The following TNN variants were observed in gnomAD, a reference collection of about 807,000 sequenced individuals.
TNN encodes tenascin-N.
Under a neutral mutation model 134.4 loss-of-function variants are expected in TNN, and 122 were observed. That is an observed-to-expected ratio of 0.91 (90% CI 0.78 to 1.06). The LOEUF is 1.06. Ranked by LOEUF, TNN falls within the 50% of genes least tolerant of loss-of-function variation. TNN has a pLI of 0.00. For missense variants in TNN, 1,739 were observed against 1,699.4 expected, an observed-to-expected ratio of 1.02 and a Z score of -0.41; for synonymous variants, 710 against 670.3, an observed-to-expected ratio of 1.06 and a Z score of -0.91.
chr1:175,095,608 C>T (rs550859557), intron 7 of TNN, among the ~76,000 whole-genome samples: 1 of 152,330 alleles, frequency 6.6e-6, no homozygotes, highest in South Asian at 2.1e-4. Context: ...GAGTCTCGCT[C>T]TCTTGCCCAG....
chr1:175,099,456 G>C (rs1251546943), intron 9 of TNN, among the ~76,000 whole-genome samples: 2 of 150,054 alleles, frequency 1.3e-5, no homozygotes, highest in Admixed American at 1.3e-4. Context: ...GGTCAGTAAG[G>C]AGGAAAGGTG....
chr1:175,137,393 ATTAT>A (rs148236601), intron 17 of TNN, among the ~76,000 whole-genome samples: 523 of 12,416 alleles, frequency 0.042, 4 homozygotes, highest in South Asian at 0.13. Flanking sequence ...TGTGTGTGTG[ATTAT>A]TTGAGCTTTT....
chr1:175,095,630 A>G (rs533341112), intron 7 of TNN, among the ~76,000 whole-genome samples: 6 of 152,242 alleles, frequency 3.9e-5, no homozygotes, highest in African/African-American at 1.4e-4. Flanking sequence ...CTGGAGTGCA[A>G]TGGCGCAATC....
intron 1 of TNN, among the ~76,000 whole-genome samples, chr1:175,072,441 G>A (rs535712301): frequency 6.6e-6 from 1 of 152,306 alleles, no homozygotes; most frequent in Admixed American, 6.5e-5. Context: ...CCCCTCAGCA[G>A]AATAATCCTC....
At chr1:175,140,483 G>C (rs774417338) in intron 17 of TNN, among the ~76,000 whole-genome samples, 25 of 152,122 alleles carry the variant, frequency 1.6e-4, no homozygotes, top group Non-Finnish European at 2.9e-4. Flanking sequence ...CCTTTCCCTT[G>C]GCCATTACCA....
In TNN at chr1:175,117,113, C is replaced by T. The variant is rs201010782; in HGVS notation, c.2294C>T (p.Thr765Met). The change falls in exon 10 of 19, where the codon ACG becomes ATG. Residue 765 changes from threonine (T) to methionine (M), a missense_variant. Transcript: ENST00000239462. The stretch of plus-strand genomic sequence containing the variant: ...AAGGAGCAGAGTAGCACTGTCCTGA[C>T]GGGCCTGAGGCCGGGTGTGGAGTAC... ...VGKEQSSTVL[T>M]GLRPGVEYTV... 1.6e-4 allele frequency: 251 copies of T among 1,614,102 alleles called. No individual in the cohort carries two copies. Among genetic ancestry groups the T allele is most frequent in the Middle Eastern group, 6.6e-4 (4 of 6,084 alleles).
intron 12 of TNN, among the ~76,000 whole-genome samples, chr1:175,125,098 C>T (rs184264593): frequency 1.2e-4 from 19 of 152,184 alleles, no homozygotes; most frequent in Non-Finnish European, 2.1e-4. Context: ...TTCTGTGAGA[C>T]GAATAGAATA....
intron 9 of TNN, among the ~76,000 whole-genome samples, chr1:175,100,967 G>T (rs1313130011): frequency 2.0e-5 from 3 of 152,166 alleles, no homozygotes; most frequent in Non-Finnish European, 4.4e-5. Flanking sequence ...GGGTAATCAG[G>T]ATATCCATCA....
At chr1:175,122,190 A>C (rs1675394218) in intron 11 of TNN, among the ~76,000 whole-genome samples, 1 of 151,050 alleles carries the variant, frequency 6.6e-6, no homozygotes, top group Non-Finnish European at 1.5e-5. Flanking sequence ...CAGGAGTTCA[A>C]GACCAGCCTG....
chr1:175,079,430 G>C lies in TNN; in HGVS notation c.507G>C (p.Leu169=). Residue 169 remains leucine (L), a synonymous_variant, in exon 3 of 19, where the codon CTG becomes CTC. Transcript: ENST00000239462. The part of the protein sequence containing the change: ...EGREGPACER[L]ACPGACSGHG... ...GGGAGGGCCCCGCCTGCGAGCGGCT[G>C]GCCTGCCCCGGGGCGTGCAGCGGCC... is the stretch of plus-strand genomic sequence containing the variant. The C allele has an allele frequency of 1.3e-6, 2 of 1,584,418 alleles. No homozygotes were observed. The highest frequency in any genetic ancestry group is 2.3e-5 in the South Asian group (2 of 88,538).
At chr1:175,082,406 T>A (rs746718103) in intron 4 of TNN, among the ~76,000 whole-genome samples, 1 of 152,192 alleles carries the variant, frequency 6.6e-6, no homozygotes, top group Non-Finnish European at 1.5e-5. Flanking sequence ...GTGAACATTC[T>A]CATTAAGTCC....
At position 175,104,390 on chromosome 1, in the gene TNN, C is replaced by T. The variant is rs530023807; in HGVS notation, c.2119+5795C>T. Among the ~76,000 whole-genome samples, 6 of 146,008 alleles carry T rather than the reference C, an allele frequency of 4.1e-5. 1 individual carries two copies. In the South Asian group the frequency reaches 1.1e-3, roughly 28 times the overall value. On this transcript the variant is annotated intron_variant, in intron 9 of 18. Coordinates refer to ENST00000239462, the MANE Select transcript of TNN (RefSeq NM_022093.2). ...GGGGGCTTCTAACCCAGGGAACCTTCATCCTCTGGGGCAGTGCACCTTCCA... is the reference window on the plus strand; with the variant it reads ...GGGGGCTTCTAACCCAGGGAACCTTTATCCTCTGGGGCAGTGCACCTTCCA...
At chr1:175,111,030 A>C (rs1675006976) in intron 9 of TNN, among the ~76,000 whole-genome samples, 1 of 151,548 alleles carries the variant, frequency 6.6e-6, no homozygotes, top group African/African-American at 2.4e-5. Context: ...CAAGAAAAAA[A>C]AAAAGGGCTG....
intron 6 of TNN, among the ~76,000 whole-genome samples, chr1:175,091,316 G>A (rs1355839985): frequency 6.6e-6 from 1 of 152,224 alleles, no homozygotes; most frequent in African/African-American, 2.4e-5. Context: ...GCTTGGAGAA[G>A]TCACATCTCC....
chr1:175,096,183 G>T (rs1018574689), intron 7 of TNN, among the ~76,000 whole-genome samples: 2 of 152,252 alleles, frequency 1.3e-5, no homozygotes, highest in African/African-American at 2.4e-5. Flanking sequence ...CAGGATAGGG[G>T]TCATGCAGGC....
chr1:175,112,849 T>C (rs1249227901), intron 9 of TNN, among the ~76,000 whole-genome samples: 1 of 151,926 alleles, frequency 6.6e-6, no homozygotes, highest in Non-Finnish European at 1.5e-5. Flanking sequence ...CTCAAACTCC[T>C]GACCTTCAAG....
intron 1 of TNN, among the ~76,000 whole-genome samples, chr1:175,068,567 T>C (rs1673849214): frequency 6.6e-6 from 1 of 152,158 alleles, no homozygotes; most frequent in East Asian, 1.9e-4. Context: ...CCCCATACTA[T>C]TACCCTCACA....
In TNN at chr1:175,097,605, G is replaced by C. The variant is rs1350092404; in HGVS notation, c.1777G>C (p.Gly593Arg). The C allele has an allele frequency of 6.2e-7, 1 of 1,614,226 alleles. No individual in the cohort carries two copies. ...CACTGTCCTGACAGGCCTGAGGCCA[G>C]GTGTGGAGTACACAGTGCATGTCTG... is the stretch of plus-strand genomic sequence containing the variant. ...SSTVLTGLRP[G>R]VEYTVHVWAQ... Residue 593 changes from glycine (G) to arginine (R), a missense_variant, in exon 8 of 19, where the codon GGT becomes CGT. Physicochemically the swap from Gly to Arg is moderately radical, Grantham distance 125 (BLOSUM62 -2). Transcript: ENST00000239462.
chr1:175,124,992 G>C (rs1675471121), intron 12 of TNN, among the ~76,000 whole-genome samples: 1 of 152,230 alleles, frequency 6.6e-6, no homozygotes, highest in Admixed American at 6.5e-5. Flanking sequence ...TCCATAACCA[G>C]GGAGTGGTGG....
Sources: allele counts gnomAD v4.1 joint callset (sites outside exome capture counted in the v4.1 genomes callset), GRCh38; gene constraint gnomAD v4.1.1; transcripts MANE v1.5; gene names NCBI Gene and HGNC (gene_info 2026-07-23, HGNC 2026-07-21).